SYT17: variants seen among roughly 807,000 people sequenced by gnomAD.
SYT17 encodes the protein synaptotagmin 17.
SYT17 carries 22 observed loss-of-function variants against 46.7 expected under a neutral mutation model. The observed-to-expected ratio is 0.47, with a 90% confidence interval of 0.34 to 0.67. The LOEUF (loss-of-function observed/expected upper bound fraction) is 0.67. SYT17 is among the 30% of genes least tolerant of loss of function. The probability of loss-of-function intolerance (pLI) is 0.01; values close to 1 mark genes in which losing one functional copy is unlikely to be tolerated. For missense variants in SYT17, 519 were observed against 612.8 expected, an observed-to-expected ratio of 0.85 and a Z score of 1.62; for synonymous variants, 251 against 248.4, an observed-to-expected ratio of 1.01 and a Z score of -0.10.
chr16:19,252,158 TCAAAA>T (rs563439382), intron 7 of SYT17, among the ~76,000 whole-genome samples: 2 of 146,956 alleles, frequency 1.4e-5, no homozygotes, highest in Admixed American at 7.0e-5. Context: ...CAAAACTGTC[TCAAAA>T]CAAAACAAAA....
At chr16:19,250,404 T>TGTGTGTGTGTGTGTGTGTGTG (rs1967969018) in intron 7 of SYT17, among the ~76,000 whole-genome samples, 1 of 147,766 alleles carries the variant, frequency 6.8e-6, no homozygotes, top group African/African-American at 2.6e-5. Flanking sequence ...TGTGTGTGTG[T>TGTGTGTGTGTGTGTGTGTGTG]TTGGAGACAG....
At chr16:19,197,828 A>G (rs557706490) in intron 5 of SYT17, among the ~76,000 whole-genome samples, 1 of 152,322 alleles carries the variant, frequency 6.6e-6, no homozygotes, top group South Asian at 2.1e-4. Context: ...ACTGCAGCAC[A>G]GAGAGGTTGA....
intron 3 of SYT17, 87 bp from the exon 4 acceptor site, chr16:19,180,304 T>A: frequency 1.4e-6 from 2 of 1,476,420 alleles, no homozygotes; most frequent in Non-Finnish European, 1.9e-6. Context: ...GAGAGCGGTT[T>A]CATCGTGGGT....
chr16:19,194,946 A>G (rs1021725640), intron 5 of SYT17, among the ~76,000 whole-genome samples: 5 of 152,218 alleles, frequency 3.3e-5, no homozygotes, highest in Non-Finnish European at 5.9e-5. Flanking sequence ...GAAGGAACTC[A>G]ATAGATGTCT....
At position 19,183,398 on chromosome 16, in the gene SYT17, A is replaced by G. The variant is rs1213787447; in HGVS notation, c.332-130A>G. On this transcript the variant is annotated intron_variant, in intron 4 of 7. Transcript: ENST00000355377. The surrounding 1 kb of genome is among the most constrained non-coding windows in gnomAD (Gnocchi z 5.6). ...CTGTCACAGAATCAGTGAGTATTTC[A>G]GAGTGTGGAGAAAGATGGCAAAGGT... 8.5e-6 allele frequency: 11 copies of G among 1,289,826 alleles called. No homozygotes were observed. The highest frequency in any genetic ancestry group is 1.2e-5 in the Non-Finnish European group (11 of 935,404). 79.9% of individuals were successfully genotyped at this position (1,289,826 alleles called of 1,614,324 possible). A position where few individuals can be genotyped will look rare whatever the true frequency, so the allele number is the denominator to read the frequency against.
In SYT17 at chr16:19,168,351, G is replaced by C. The variant is rs896864658; in HGVS notation, c.-296G>C. 2.1e-6 allele frequency: 1 copy of C among 480,250 alleles called. No individual in the cohort carries two copies. Among genetic ancestry groups the C allele is most frequent in the Non-Finnish European group, 3.7e-6 (1 of 272,982 alleles). The allele number at this position is 480,250 out of a possible 1,614,324, so 29.7% of individuals were successfully genotyped here. On this transcript the variant is annotated 5_prime_UTR_variant, in exon 1 of 8. Transcript: ENST00000355377. The surrounding 1 kb of genome is among the most constrained non-coding windows in gnomAD (Gnocchi z 6.9). ...CCGGCCTTATTCCAGCCTGGGGAGCGCCTCGGTGGGGAGCACGGGACAGCG... is the reference window on the plus strand; with the variant it reads ...CCGGCCTTATTCCAGCCTGGGGAGCCCCTCGGTGGGGAGCACGGGACAGCG...
chr16:19,179,206 C>T (rs1964446680), intron 3 of SYT17, among the ~76,000 whole-genome samples: 1 of 152,134 alleles, frequency 6.6e-6, no homozygotes, highest in Admixed American at 6.5e-5. Context: ...TAGCCCACTG[C>T]AGCCTCAAAC....
Position 19,202,316 on chromosome 16 carries a change from G to A in SYT17, c.951+18169G>A, listed in dbSNP as rs1322418736. The stretch of plus-strand genomic sequence containing the variant: ...AGAAAGGCTCACAGAACTCAGGAAA[G>A]CACTTTACTTACTATGACCAGTTTA... On this transcript the variant is annotated intron_variant, in intron 5 of 7. Coordinates refer to ENST00000355377, the MANE Select transcript of SYT17 (RefSeq NM_016524.4). 2.0e-5 allele frequency among the ~76,000 whole-genome samples: 3 copies of A among 152,180 alleles called. No individual in the cohort carries two copies. The East Asian group carries it at 5.8e-4, about 29-fold the overall frequency.
At chr16:19,250,381 G>GTA (rs1967966309) in intron 7 of SYT17, among the ~76,000 whole-genome samples, 1 of 151,056 alleles carries the variant, frequency 6.6e-6, no homozygotes, top group Middle Eastern at 3.2e-3. Context: ...GTGTGTGTGT[G>GTA]TGTGTGTGTG....
At chr16:19,195,803 G>T (rs1965216822) in intron 5 of SYT17, among the ~76,000 whole-genome samples, 2 of 152,068 alleles carry the variant, frequency 1.3e-5, no homozygotes, top group South Asian at 4.1e-4. Flanking sequence ...GAGAAAAAGA[G>T]TGAGATCCCC....
intron 7 of SYT17, among the ~76,000 whole-genome samples, chr16:19,260,668 G>T (rs913291902): frequency 2.6e-5 from 4 of 152,164 alleles, no homozygotes; most frequent in African/African-American, 7.2e-5. Flanking sequence ...ACCAAGAGGA[G>T]GGGCCCATTC....
At position 19,195,358 on chromosome 16, in the gene SYT17, T is replaced by C. The variant is rs559917943; in HGVS notation, c.951+11211T>C. On this transcript the variant is annotated intron_variant, in intron 5 of 7. Transcript: ENST00000355377. ...CATGGCACTGCTTCTTTCATTTATT[T>C]ATTTAACCTTTTTTTAAAAATCAAA... Among the ~76,000 whole-genome samples, 3 of 152,268 alleles carry C rather than the reference T, an allele frequency of 2.0e-5. No homozygotes were observed. In the South Asian group the frequency reaches 6.2e-4, roughly 32 times the overall value.
chr16:19,264,133 A>G (rs1969194827), intron 7 of SYT17, among the ~76,000 whole-genome samples: 1 of 152,166 alleles, frequency 6.6e-6, no homozygotes, highest in Non-Finnish European at 1.5e-5. Context: ...TTCTCACCAG[A>G]CACCGAATTT....
At chr16:19,236,447 A>C (rs936321250) in intron 7 of SYT17, among the ~76,000 whole-genome samples, 13 of 152,168 alleles carry the variant, frequency 8.5e-5, no homozygotes, top group African/African-American at 3.1e-4. Context: ...CAGTTCACCC[A>C]AAACTGCCCT....
At chr16:19,261,048 C>T (rs1354089622) in intron 7 of SYT17, among the ~76,000 whole-genome samples, 3 of 152,000 alleles carry the variant, frequency 2.0e-5, no homozygotes, top group Non-Finnish European at 4.4e-5. Flanking sequence ...ACTATGTTGC[C>T]CAAGCTGGTC....
At chr16:19,173,377 T>TTC in intron 2 of SYT17, 53 bp from the exon 3 acceptor site, 1 of 133,944 alleles carries the variant, frequency 7.5e-6, no homozygotes, top group Non-Finnish European at 1.5e-5. Context: ...TTCCCCACCC[T>TTC]GCCCACCTCC....
intron 7 of SYT17, among the ~76,000 whole-genome samples, chr16:19,241,242 C>T (rs532386229): frequency 3.3e-5 from 5 of 150,854 alleles, no homozygotes; most frequent in South Asian, 2.1e-4. Flanking sequence ...CCACCGCGCC[C>T]GGCCCCCTAG....
At chr16:19,229,033 A>G (rs1280021260) in intron 7 of SYT17, among the ~76,000 whole-genome samples, 1 of 152,186 alleles carries the variant, frequency 6.6e-6, no homozygotes, top group African/African-American at 2.4e-5. Context: ...TTTAAAAATA[A>G]AAAATGAAAA....
At chr16:19,217,097 A>C (rs1402093926) in intron 5 of SYT17, among the ~76,000 whole-genome samples, 2 of 152,124 alleles carry the variant, frequency 1.3e-5, no homozygotes, top group Non-Finnish European at 2.9e-5. Flanking sequence ...ATGATATCTC[A>C]TTGTGGTTTT....
Sources: gnomAD v4.1 joint callset for allele counts (sites outside exome capture counted in the v4.1 genomes callset) on GRCh38, gnomAD v4.1.1 for gene constraint, Gnocchi (gnomAD v3.1) non-coding constraint, MANE v1.5 for transcripts, NCBI Gene and HGNC (gene_info 2026-07-23, HGNC 2026-07-21) for gene names.